The following CDH18 variants were observed in gnomAD, a reference collection of about 807,000 sequenced individuals.
CDH18 encodes the protein cadherin-18.
In CDH18, 31 loss-of-function variants were observed where a neutral mutation model predicts 67.9. The ratio of observed to expected loss-of-function variants is 0.46; its 90% CI spans 0.34 to 0.62. The LOEUF (loss-of-function observed/expected upper bound fraction) is 0.62, where lower values mean the gene tolerates loss of function less well. Among genes scored for constraint, CDH18 ranks in the 20% least tolerant of loss-of-function variants. CDH18 has a pLI of 0.01. For synonymous variants in CDH18, 362 were observed against 347.2 expected (o/e 1.04, Z -0.48); for missense variants, 890 against 975.5 (o/e 0.91, Z 1.17).
chr5:19,583,670 T>C (rs933395491), intron 7 of CDH18, among the ~76,000 whole-genome samples: 1 of 152,030 alleles, frequency 6.6e-6, no homozygotes, highest in Non-Finnish European at 1.5e-5. Context: ...TAGATAGTAG[T>C]TATTATTGAG....
At chr5:20,385,425 C>T (rs1580876641) in intron 1 of CDH18, among the ~76,000 whole-genome samples, 1 of 152,184 alleles carries the variant, frequency 6.6e-6, no homozygotes, top group African/African-American at 2.4e-5. Flanking sequence ...TGAAACAATA[C>T]CCAAAACCTT....
chr5:19,810,214 C>T (rs1312386354), intron 3 of CDH18, among the ~76,000 whole-genome samples: 1 of 152,024 alleles, frequency 6.6e-6, no homozygotes, highest in Non-Finnish European at 1.5e-5. Flanking sequence ...CCTGTAACCC[C>T]AGCTACTCGG....
At chr5:19,520,539 T>C (rs1746726104) in intron 10 of CDH18, 118 bp downstream of exon 10, 3 of 821,982 alleles carry the variant, frequency 3.6e-6, no homozygotes, top group East Asian at 6.4e-5. Context: ...TATGAAATTA[T>C]TTCCACTGAG....
At chr5:19,710,652 A>C (rs990490103) in intron 5 of CDH18, among the ~76,000 whole-genome samples, 1 of 152,154 alleles carries the variant, frequency 6.6e-6, no homozygotes, top group African/African-American at 2.4e-5. Context: ...AACTGTTTAC[A>C]GAAGATCAGA....
intron 5 of CDH18, among the ~76,000 whole-genome samples, chr5:19,639,535 G>A (rs1753732753): frequency 6.6e-6 from 1 of 152,086 alleles, no homozygotes; most frequent in African/African-American, 2.4e-5. Flanking sequence ...CATCACTATG[G>A]GACAAAGCGA....
chr5:20,516,603 A>G (rs906184821), intron 1 of CDH18, among the ~76,000 whole-genome samples: 1 of 152,088 alleles, frequency 6.6e-6, no homozygotes, highest in African/African-American at 2.4e-5. Context: ...CAGAGAAATT[A>G]GAAAAAGTAG....
chr5:20,037,991 G>C (rs1308474901), intron 2 of CDH18, among the ~76,000 whole-genome samples: 1 of 151,804 alleles, frequency 6.6e-6, no homozygotes, highest in East Asian at 1.9e-4. Flanking sequence ...GGATCAAATA[G>C]ACAAAATAAA....
chr5:19,708,916 T>G (rs1764316348), intron 5 of CDH18, among the ~76,000 whole-genome samples: 1 of 152,064 alleles, frequency 6.6e-6, no homozygotes, highest in Admixed American at 6.6e-5. Context: ...ACCACTGGGT[T>G]AGGGACTCCA....
In CDH18 at chr5:20,501,594, T is replaced by TTATATATATATATTA. The variant is rs1754320353; in HGVS notation, c.-580+73867_-580+73868insTAATATATATATATA. 1.1e-4 allele frequency among the ~76,000 whole-genome samples: 4 copies of TTATATATATATATTA among 35,276 alleles called. No individual in the cohort carries two copies. In the South Asian group the frequency reaches 1.7e-3, roughly 15 times the overall value. 23.1% of individuals were successfully genotyped at this position (35,276 alleles called of 152,430 possible). Reference sequence around the variant, plus strand: ...AATATATATATATTATATATATATATTATATATATATATATATATATGGAG... The same window carrying TTATATATATATATTA: ...AATATATATATATTATATATATATATTATATATATATATTATATATATATATATATATATATGGAG... On this transcript the variant is annotated intron_variant, in intron 1 of 14. Coordinates refer to the CDH18 transcript ENST00000507958.
chr5:20,293,602 T>G (rs1298471334), intron 1 of CDH18, among the ~76,000 whole-genome samples: 1 of 152,210 alleles, frequency 6.6e-6, no homozygotes, highest in Non-Finnish European at 1.5e-5. Flanking sequence ...TGTATCTTAT[T>G]CAAGAACAAA....
At chr5:20,382,861 A>G (rs1265541675) in intron 1 of CDH18, among the ~76,000 whole-genome samples, 2 of 152,102 alleles carry the variant, frequency 1.3e-5, no homozygotes, top group Non-Finnish European at 2.9e-5. Flanking sequence ...ACAGCTATCA[A>G]CACCTTAGTA....
chr5:20,159,127 G>A (rs771293535), intron 2 of CDH18, among the ~76,000 whole-genome samples: 62 of 152,124 alleles, frequency 4.1e-4, no homozygotes, highest in Non-Finnish European at 2.9e-4. Flanking sequence ...TGATAAAGTT[G>A]CTTGACACTA....
rs570995271 is a variant in CDH18, at chr5:20,434,964, C to T, written c.-580+140498G>A. 2.0e-5 allele frequency among the ~76,000 whole-genome samples: 3 copies of T among 152,122 alleles called. No homozygotes were observed. In the East Asian group the frequency reaches 5.8e-4, roughly 30 times the overall value. On this transcript the variant is annotated intron_variant, in intron 1 of 14. Transcript: ENST00000507958. ...GGTATGCATACATTCAGATGGATAG[C>T]CACTGCTTTATTTCACTGATCTTCC...
At chr5:19,863,795 G>C (rs1357138584) in intron 2 of CDH18, among the ~76,000 whole-genome samples, 1 of 152,174 alleles carries the variant, frequency 6.6e-6, no homozygotes, top group Non-Finnish European at 1.5e-5. Flanking sequence ...GAACAACATA[G>C]GGAGGCTGTG....
chr5:19,888,966 C>T (rs1788509868), intron 2 of CDH18, among the ~76,000 whole-genome samples: 1 of 152,096 alleles, frequency 6.6e-6, no homozygotes, highest in African/African-American at 2.4e-5. Context: ...ACCAGGGGTA[C>T]CATAATCTGT....
chr5:20,026,941 C>A (rs1330363000), intron 2 of CDH18, among the ~76,000 whole-genome samples: 3 of 150,616 alleles, frequency 2.0e-5, no homozygotes, highest in Non-Finnish European at 1.5e-5. Context: ...TGGGTGACAG[C>A]GTGACTCCGT....
intron 1 of CDH18, among the ~76,000 whole-genome samples, chr5:20,517,314 A>G (rs1755439003): frequency 6.6e-6 from 1 of 151,662 alleles, no homozygotes; most frequent in South Asian, 2.1e-4. Flanking sequence ...ATAATGAGAT[A>G]CATATAAACA....
intron 1 of CDH18, among the ~76,000 whole-genome samples, chr5:20,491,641 G>A (rs369306096): frequency 3.3e-5 from 5 of 152,136 alleles, no homozygotes; most frequent in South Asian, 2.1e-4. Context: ...CAGAATTTCC[G>A]CTTGCTCAAG....
intron 8 of CDH18, among the ~76,000 whole-genome samples, chr5:19,553,628 T>A (rs1381282232): frequency 6.8e-6 from 1 of 147,102 alleles, no homozygotes; most frequent in African/African-American, 2.5e-5. Context: ...CAACTTGGTC[T>A]CATACTTTTT....
Sources: allele counts gnomAD v4.1 joint callset (sites outside exome capture counted in the v4.1 genomes callset), GRCh38; gene constraint gnomAD v4.1.1; transcripts MANE v1.5; gene names NCBI Gene and HGNC (gene_info 2026-07-23, HGNC 2026-07-21).